Variants in RYR2 observed in about 807,000 individuals in gnomAD.
RYR2 encodes the protein cardiac muscle ryanodine receptor-calcium release channel.
RYR2 carries 227 observed loss-of-function variants against 601.1 expected under a neutral mutation model. The ratio of observed to expected loss-of-function variants is 0.38; its 90% confidence interval spans 0.34 to 0.42. The LOEUF is 0.42. RYR2 is among the 10% of genes least tolerant of loss of function. RYR2 has a pLI of 1.00. For missense variants in RYR2, 4,646 were observed against 6,156.5 expected, an observed-to-expected ratio of 0.75 and a Z score of 8.21; for synonymous variants, 2,223 against 2,175.1, an observed-to-expected ratio of 1.02 and a Z score of -0.61.
chr1:237,117,564 C>T (rs1670210765), intron 1 of RYR2, among the ~76,000 whole-genome samples: 3 of 152,184 alleles, frequency 2.0e-5, no homozygotes, highest in African/African-American at 4.8e-5. Flanking sequence ...AGTTAGAGTC[C>T]ATGATTGATT....
intron 1 of RYR2, among the ~76,000 whole-genome samples, chr1:237,119,444 G>A (rs761078269): frequency 1.7e-4 from 26 of 152,160 alleles, no homozygotes; most frequent in East Asian, 3.8e-4. Context: ...GTGTGTGTGC[G>A]TATGCTCTCA....
rs1683724883 is a variant in RYR2 at position 237,660,922 on chromosome 1, C to T, written c.8411C>T (p.Thr2804Ile). ...EGDSMALYNR[T>I]RRISQTSQVS... ...GACAGCATGGCCCTTTACAACCGGA[C>T]TCGTCGTATTTCTCAGACAAGCCAG... The change falls in exon 56 of 105, where the codon ACT (threonine) becomes ATT (isoleucine). Residue 2804 changes from threonine to isoleucine, a missense_variant. Thr to Ile is a moderately conservative substitution (Grantham distance 89). Coordinates refer to ENST00000366574, the MANE Select transcript of RYR2 (RefSeq NM_001035.3). The T allele has an allele frequency of 6.8e-7, 1 of 1,459,884 alleles. No individual in the cohort carries two copies. The highest frequency in any genetic ancestry group is 9.1e-7 in the Non-Finnish European group (1 of 1,099,662). 90.4% of individuals were successfully genotyped at this position (1,459,884 alleles called of 1,614,324 possible).
At chr1:237,480,252 G>A (rs1393144703) in intron 17 of RYR2, among the ~76,000 whole-genome samples, 1 of 151,660 alleles carries the variant, frequency 6.6e-6, no homozygotes, top group African/African-American at 2.4e-5. Context: ...AACCTCGTCT[G>A]TACTAAAAAT....
At chr1:237,393,087 A>T (rs1432612528) in intron 10 of RYR2, among the ~76,000 whole-genome samples, 1 of 152,084 alleles carries the variant, frequency 6.6e-6, no homozygotes. Flanking sequence ...GGGGATGGAG[A>T]GTGTTCATGT....
chr1:237,605,298 A>G (rs936123353), intron 35 of RYR2, among the ~76,000 whole-genome samples: 1 of 152,252 alleles, frequency 6.6e-6, no homozygotes, highest in African/African-American at 2.4e-5. Flanking sequence ...AATCCAGCAT[A>G]TAAACAGAAC....
chr1:237,637,005 A>G (rs1680942454), intron 44 of RYR2, among the ~76,000 whole-genome samples: 1 of 152,172 alleles, frequency 6.6e-6, no homozygotes, highest in African/African-American at 2.4e-5. Context: ...TAGTGAGAGA[A>G]AACCGATTGT....
chr1:237,616,040 A>G (rs1331078594), intron 37 of RYR2, among the ~76,000 whole-genome samples: 1 of 152,118 alleles, frequency 6.6e-6, no homozygotes, highest in Non-Finnish European at 1.5e-5. Context: ...ATAAGGGAGG[A>G]AAGAGAGTGT....
chr1:237,691,881 G>A (rs1686975457), intron 63 of RYR2, among the ~76,000 whole-genome samples: 1 of 152,182 alleles, frequency 6.6e-6, no homozygotes, highest in South Asian at 2.1e-4. Context: ...GTTGACAAGT[G>A]ATATCCTTAT....
intron 1 of RYR2, among the ~76,000 whole-genome samples, chr1:237,197,832 G>A (rs1322927973): frequency 1.3e-5 from 2 of 152,300 alleles, no homozygotes; most frequent in East Asian, 1.9e-4. Context: ...TGGAGTTTGT[G>A]GGCAGAACAT....
intron 2 of RYR2, among the ~76,000 whole-genome samples, chr1:237,316,645 C>T (rs1452202702): frequency 1.3e-5 from 2 of 152,216 alleles, no homozygotes; most frequent in Admixed American, 1.3e-4. Context: ...GGATCAATCT[C>T]CAGTTCCTCC....
intron 1 of RYR2, among the ~76,000 whole-genome samples, chr1:237,061,128 G>T (rs1440211961): frequency 6.6e-6 from 1 of 152,112 alleles, no homozygotes; most frequent in African/African-American, 2.4e-5. Flanking sequence ...CACCTGCTTT[G>T]TATCTTTAAT....
chr1:237,057,280 G>T (rs575196755), intron 1 of RYR2, among the ~76,000 whole-genome samples: 3 of 152,230 alleles, frequency 2.0e-5, no homozygotes, highest in African/African-American at 7.2e-5. Flanking sequence ...CCACCTCCCG[G>T]GTTCAAGCGA....
At chr1:237,088,665 T>C (rs1037131568) in intron 1 of RYR2, among the ~76,000 whole-genome samples, 6 of 152,216 alleles carry the variant, frequency 3.9e-5, no homozygotes, top group African/African-American at 1.4e-4. Context: ...GATTCAGAAA[T>C]TGTCCTGCAT....
chr1:237,216,865 G>C (rs942568312), intron 1 of RYR2, among the ~76,000 whole-genome samples: 2 of 151,998 alleles, frequency 1.3e-5, no homozygotes, highest in Non-Finnish European at 2.9e-5. Flanking sequence ...GTTAGGGTCT[G>C]AGTAGCACAT....
At position 237,721,957 on chromosome 1, in the gene RYR2, C is replaced by T. The variant is rs143526528; in HGVS notation, c.10555-1171C>T. Among the ~76,000 whole-genome samples, 683 of 152,190 alleles carry T rather than the reference C, an allele frequency of 4.5e-3. 3 individuals are homozygous for T. The highest frequency in any genetic ancestry group is 0.015 in the South Asian group (74 of 4,822). On this transcript the variant is annotated intron_variant, in intron 73 of 104. Transcript: ENST00000366574. ...TCTAAACACATGAAGATTTCATATA[C>T]GTTTTTCACCAAGGAAATTTGATGC...
intron 35 of RYR2, among the ~76,000 whole-genome samples, chr1:237,603,536 C>A (rs962524570): frequency 2.0e-5 from 3 of 152,204 alleles, no homozygotes; most frequent in African/African-American, 7.2e-5. Flanking sequence ...GCAAAATAAC[C>A]AGCTGACATC....
chr1:237,631,709 G>A (rs1385276885), intron 42 of RYR2, among the ~76,000 whole-genome samples, 168 bp downstream of exon 42: 1 of 126,354 alleles, frequency 7.9e-6, no homozygotes, highest in Non-Finnish European at 1.6e-5. Flanking sequence ...CTCACTGCAA[G>A]CTCCGCCTCC....
intron 10 of RYR2, among the ~76,000 whole-genome samples, chr1:237,403,367 A>T (rs1231037990): frequency 1.2e-4 from 18 of 152,200 alleles, no homozygotes; most frequent in Admixed American, 1.2e-3. Flanking sequence ...ATGTAAGCTT[A>T]AAAGTGCTTA....
intron 1 of RYR2, among the ~76,000 whole-genome samples, chr1:237,254,647 C>T (rs924723052): frequency 2.5e-4 from 38 of 152,294 alleles, no homozygotes; most frequent in African/African-American, 8.9e-4. Context: ...AATATGCAAG[C>T]AACGGACACC....
Sources: gnomAD v4.1 joint callset for allele counts (sites outside exome capture counted in the v4.1 genomes callset) on GRCh38, gnomAD v4.1.1 for gene constraint, MANE v1.5 for transcripts, NCBI Gene and HGNC (gene_info 2026-07-23, HGNC 2026-07-21) for gene names.